Variants in WWOX observed in about 807,000 individuals in gnomAD.
WWOX encodes WW domain containing oxidoreductase.
WWOX carries 69 observed loss-of-function variants against 46.2 expected under a neutral mutation model. That is an observed-to-expected ratio of 1.49 (90% confidence interval 1.23 to 1.82). The LOEUF is 1.82. Among genes scored for constraint, WWOX ranks in the 40% most tolerant of loss-of-function variants. The probability of loss-of-function intolerance (pLI) is 0.00; values close to 1 mark genes in which losing one functional copy is unlikely to be tolerated. For missense variants in WWOX, 919 were observed against 542.6 expected (o/e 1.69, Z -6.89); for synonymous variants, 359 against 202.6 (o/e 1.77, Z -6.56).
At chr16:78,981,268 C>T (rs950804532) in intron 8 of WWOX, among the ~76,000 whole-genome samples, 1 of 152,080 alleles carries the variant, frequency 6.6e-6, no homozygotes, top group African/African-American at 2.4e-5. Context: ...TTTCTCTGCG[C>T]TGGCTGATGC....
chr16:78,123,699 A>T (rs1228987299), intron 4 of WWOX: 1 of 149,510 alleles, frequency 6.7e-6, no homozygotes, highest in African/African-American at 2.5e-5. Flanking sequence ...CTCATGATCC[A>T]CCCGTTTCGG....
intron 8 of WWOX, among the ~76,000 whole-genome samples, chr16:78,904,352 C>G (rs1023723420): frequency 3.3e-5 from 5 of 151,250 alleles, no homozygotes; most frequent in African/African-American, 1.2e-4. Flanking sequence ...AATTCTCCTG[C>G]CTCAGCGTCC....
rs944393862 is a variant in WWOX at position 78,792,454 on chromosome 16, C to T, written c.1056+359702C>T. On this transcript the variant is annotated intron_variant, in intron 8 of 8. Coordinates refer to ENST00000566780, the MANE Select transcript of WWOX (RefSeq NM_016373.4). Reference sequence around the variant, plus strand: ...TCTGGGCCAGAGCAAATCATATGGTCGTACTCCAGGGTGAGGAAGTATGTC... The same window carrying T: ...TCTGGGCCAGAGCAAATCATATGGTTGTACTCCAGGGTGAGGAAGTATGTC... Among the ~76,000 whole-genome samples the T allele has an allele frequency of 9.9e-5, 15 of 152,156 alleles. 1 individual carries two copies. The highest frequency in any genetic ancestry group is 3.6e-4 in the African/African-American group (15 of 41,432).
intron 5 of WWOX, among the ~76,000 whole-genome samples, chr16:78,363,622 G>C (rs2081463202): frequency 6.6e-6 from 1 of 152,148 alleles, no homozygotes; most frequent in South Asian, 2.1e-4. Context: ...ACATCTGAGA[G>C]TCCCAGAAGG....
intron 8 of WWOX, among the ~76,000 whole-genome samples, chr16:78,560,187 C>T (rs573305494): frequency 2.0e-5 from 3 of 152,098 alleles, no homozygotes; most frequent in African/African-American, 7.2e-5. Flanking sequence ...CAGAATAAGT[C>T]AGTACTACTG....
chr16:78,143,817 C>T (rs796245471), intron 4 of WWOX, among the ~76,000 whole-genome samples: 34 of 112,826 alleles, frequency 3.0e-4, no homozygotes, highest in African/African-American at 9.0e-4. Flanking sequence ...TATTATATTT[C>T]GTTTCCTTAC....
At chr16:78,316,936 A>C (rs1417024306) in intron 5 of WWOX, among the ~76,000 whole-genome samples, 7 of 152,326 alleles carry the variant, frequency 4.6e-5, no homozygotes, top group African/African-American at 1.7e-4. Context: ...TTTCCAACAA[A>C]CTTTTATTGA....
intron 8 of WWOX, among the ~76,000 whole-genome samples, chr16:78,501,892 G>C (rs893483185): frequency 6.6e-6 from 1 of 152,102 alleles, no homozygotes; most frequent in African/African-American, 2.4e-5. Flanking sequence ...GGTGGGGTTG[G>C]GGTGGCAATG....
rs1474433571 is a variant in WWOX at position 78,994,120 on chromosome 16, T to A, written c.1057-217488T>A. On this transcript the variant is annotated intron_variant, in intron 8 of 8. Transcript: ENST00000566780. Reference sequence around the variant, plus strand: ...GATCAAGAAACGTTACCTGTCAACATTGGATAAACCATCCGAGGGAAATTA... The same window carrying A: ...GATCAAGAAACGTTACCTGTCAACAATGGATAAACCATCCGAGGGAAATTA... Among the ~76,000 whole-genome samples the A allele has an allele frequency of 3.3e-5, 5 of 152,196 alleles. No individual in the cohort carries two copies. The South Asian group carries it at 1.0e-3, about 32-fold the overall frequency.
intron 5 of WWOX, among the ~76,000 whole-genome samples, chr16:78,381,825 T>C (rs527666416): frequency 6.6e-6 from 1 of 152,102 alleles, no homozygotes; most frequent in Admixed American, 6.5e-5. Context: ...GAATGAGGGA[T>C]ATATGGAAGG....
intron 8 of WWOX, among the ~76,000 whole-genome samples, chr16:78,764,868 A>G (rs2049890980): frequency 6.7e-6 from 1 of 149,994 alleles, no homozygotes; most frequent in Admixed American, 6.6e-5. Context: ...TACTATGGAT[A>G]TAACACTTGT....
At chr16:78,241,791 C>G (rs938386078) in intron 5 of WWOX, among the ~76,000 whole-genome samples, 1 of 152,182 alleles carries the variant, frequency 6.6e-6, no homozygotes, top group African/African-American at 2.4e-5. Flanking sequence ...TGCTCAGATT[C>G]ACTTGGCTCA....
At chr16:79,205,845 C>G (rs1402725173) in intron 8 of WWOX, 2 of 152,114 alleles carry the variant, frequency 1.3e-5, no homozygotes, top group East Asian at 1.9e-4. Context: ...CTCTGCAAAC[C>G]TGATGAAACA....
rs60074156 is a variant in WWOX at position 79,074,409 on chromosome 16, C to CTTTTTTTTTTTTTTTTTTTTTTT, written c.1057-137188_1057-137166dup. Among the ~76,000 whole-genome samples the CTTTTTTTTTTTTTTTTTTTTTTT allele has an allele frequency of 1.0e-3, 31 of 30,988 alleles. 4 individuals are homozygous for CTTTTTTTTTTTTTTTTTTTTTTT. The highest frequency in any genetic ancestry group is 1.4e-3 in the Non-Finnish European group (26 of 18,138). The allele number at this position is 30,988 out of a possible 152,430, so 20.3% of individuals were successfully genotyped here. On this transcript the variant is annotated intron_variant, in intron 8 of 8. Coordinates refer to ENST00000566780, the MANE Select transcript of WWOX (RefSeq NM_016373.4). ...CATCCTGACTGAAATGTCACTAGTCCTTTTTTTTTTTTTTTTTTTTTTTTT... is the reference window on the plus strand; with the variant it reads ...CATCCTGACTGAAATGTCACTAGTCCTTTTTTTTTTTTTTTTTTTTTTTTTTTTTTTTTTTTTTTTTTTTTTTT...
intron 8 of WWOX, among the ~76,000 whole-genome samples, chr16:78,489,468 G>C (rs1176417690): frequency 6.6e-6 from 1 of 151,916 alleles, no homozygotes; most frequent in African/African-American, 2.4e-5. Context: ...AGGGACATTC[G>C]TGAGCTCTTT....
intron 8 of WWOX, among the ~76,000 whole-genome samples, chr16:78,540,167 G>C (rs188183439): frequency 6.6e-6 from 1 of 151,608 alleles, no homozygotes; most frequent in East Asian, 1.9e-4. Flanking sequence ...CATATATTTA[G>C]GTATAGTTAG....
At chr16:79,209,546 G>A (rs2051643291) in intron 8 of WWOX, among the ~76,000 whole-genome samples, 1 of 152,130 alleles carries the variant, frequency 6.6e-6, no homozygotes, top group Admixed American at 6.5e-5. Flanking sequence ...TGGGTGAGCT[G>A]GATTCTCCCA....
intron 8 of WWOX, among the ~76,000 whole-genome samples, chr16:78,681,635 A>G (rs1467217821): frequency 6.6e-6 from 1 of 152,102 alleles, no homozygotes; most frequent in African/African-American, 2.4e-5. Context: ...GAGGTTTGAG[A>G]GTTCCTGCTC....
intron 8 of WWOX, among the ~76,000 whole-genome samples, chr16:79,038,526 A>G (rs866307649): frequency 3.7e-4 from 57 of 152,326 alleles, no homozygotes; most frequent in African/African-American, 1.3e-3. Flanking sequence ...ACAATATATT[A>G]TCAGAGTTTT....
Sources: gnomAD v4.1 joint callset for allele counts (sites outside exome capture counted in the v4.1 genomes callset) on GRCh38, gnomAD v4.1.1 for gene constraint, MANE v1.5 for transcripts, NCBI Gene and HGNC (gene_info 2026-07-23, HGNC 2026-07-21) for gene names.